The following TEAD1 variants were observed in gnomAD, a reference collection of about 807,000 sequenced individuals.
TEAD1 encodes the protein TEA domain transcription factor 1.
A neutral mutation model predicts 54.9 loss-of-function variants in TEAD1; 9 were observed. That is an observed-to-expected ratio of 0.16 (90% confidence interval 0.10 to 0.29). The LOEUF is 0.29. TEAD1 is among the 10% of genes least tolerant of loss of function. The pLI, the probability that TEAD1 is intolerant of heterozygous loss-of-function variation, is 1.00. For synonymous variants in TEAD1, 200 were observed against 187.8 expected, an observed-to-expected ratio of 1.07 and a Z score of -0.53; for missense variants, 387 against 535.9, an observed-to-expected ratio of 0.72 and a Z score of 2.74.
chr11:12,892,416 T>A (rs1948214891), intron 9 of TEAD1, among the ~76,000 whole-genome samples: 1 of 152,034 alleles, frequency 6.6e-6, no homozygotes. Context: ...AAGCAAGGCG[T>A]GTGGGTCACC....
chr11:12,709,349 A>G (rs1943885361), intron 2 of TEAD1, among the ~76,000 whole-genome samples: 1 of 151,250 alleles, frequency 6.6e-6, no homozygotes, highest in Non-Finnish European at 1.5e-5. Flanking sequence ...AAAAAAATAA[A>G]AAAAAAAAAC....
At chr11:12,715,400 G>T (rs1944035810) in intron 2 of TEAD1, among the ~76,000 whole-genome samples, 4 of 152,182 alleles carry the variant, frequency 2.6e-5, no homozygotes, top group African/African-American at 4.8e-5. Context: ...TGGGGAGGAG[G>T]AGAGGGTATG....
intron 2 of TEAD1, among the ~76,000 whole-genome samples, chr11:12,694,683 A>G (rs1441257459): frequency 6.6e-6 from 1 of 152,128 alleles, no homozygotes; most frequent in African/African-American, 2.4e-5. Flanking sequence ...AGCTTTTTCA[A>G]TCTTGAGAAA....
At chr11:12,833,403 G>C (rs1946822175) in intron 3 of TEAD1, among the ~76,000 whole-genome samples, 1 of 152,134 alleles carries the variant, frequency 6.6e-6, no homozygotes, top group Admixed American at 6.5e-5. Context: ...TTTTAATGCA[G>C]GGTACAACAT....
chr11:12,690,551 T>C (rs1175480211), intron 2 of TEAD1, among the ~76,000 whole-genome samples: 1 of 152,110 alleles, frequency 6.6e-6, no homozygotes, highest in African/African-American at 2.4e-5. Context: ...GTATTTCCTA[T>C]AAATGGGAAA....
intron 2 of TEAD1, among the ~76,000 whole-genome samples, chr11:12,733,470 T>C (rs750613217): frequency 3.9e-5 from 6 of 152,184 alleles, no homozygotes; most frequent in African/African-American, 7.2e-5. Flanking sequence ...GGCCCAGGTC[T>C]AGCCATAGGG....
At chr11:12,723,450 C>A (rs940287574) in intron 2 of TEAD1, among the ~76,000 whole-genome samples, 1 of 152,146 alleles carries the variant, frequency 6.6e-6, no homozygotes, top group African/African-American at 2.4e-5. Context: ...AAAAACCAAA[C>A]CCAGAATTCA....
At chr11:12,814,524 G>A (rs1946374141) in intron 3 of TEAD1, among the ~76,000 whole-genome samples, 1 of 152,180 alleles carries the variant, frequency 6.6e-6, no homozygotes, top group African/African-American at 2.4e-5. Flanking sequence ...AAGCCTGAGG[G>A]TCTTGTCCCT....
chr11:12,769,748 TA>T, intron 3 of TEAD1, among the ~76,000 whole-genome samples: 1 of 152,222 alleles, frequency 6.6e-6, no homozygotes, highest in East Asian at 1.9e-4. Context: ...TATTTCAAGT[TA>T]ATTGGTTAGA....
At chr11:12,824,898 C>G (rs2080982706) in intron 3 of TEAD1, among the ~76,000 whole-genome samples, 2 of 152,190 alleles carry the variant, frequency 1.3e-5, no homozygotes, top group African/African-American at 4.8e-5. Flanking sequence ...GTTTCCTTCT[C>G]TCTACTTCGA....
chr11:12,834,929 C>T (rs1946856555), intron 3 of TEAD1, among the ~76,000 whole-genome samples: 1 of 152,032 alleles, frequency 6.6e-6, no homozygotes, highest in South Asian at 2.1e-4. Context: ...CTGTTTCTTC[C>T]TGAGAGTTCT....
At chr11:12,737,150 C>T (rs962692725) in intron 2 of TEAD1, among the ~76,000 whole-genome samples, 10 of 151,928 alleles carry the variant, frequency 6.6e-5, no homozygotes, top group African/African-American at 1.9e-4. Flanking sequence ...GATGAGGAGA[C>T]GGAGGCCTAG....
chr11:12,897,030 G>T (rs550281124), intron 9 of TEAD1, among the ~76,000 whole-genome samples: 1 of 152,168 alleles, frequency 6.6e-6, no homozygotes, highest in African/African-American at 2.4e-5. Context: ...ATTAGCCTCC[G>T]TTTTGGATAT....
chr11:12,853,836 G>A (rs949692553), intron 3 of TEAD1, among the ~76,000 whole-genome samples: 11 of 152,126 alleles, frequency 7.2e-5, no homozygotes, highest in Non-Finnish European at 1.2e-4. Flanking sequence ...TGAGAAGGTG[G>A]GACTTGAGTT....
At position 12,829,503 on chromosome 11, in the gene TEAD1, A is replaced by G. The variant is rs189789287; in HGVS notation, c.203-32747A>G. 5.3e-5 allele frequency among the ~76,000 whole-genome samples: 8 copies of G among 152,342 alleles called. No individual in the cohort carries two copies. In the East Asian group the frequency reaches 1.3e-3, roughly 26 times the overall value. On this transcript the variant is annotated intron_variant, in intron 3 of 12. Transcript: ENST00000527636. ...TGCTTACCCTAATGTTTGCCTTTAG[A>G]AGTAAAATCCAAACTGAAGGAAAGG...
chr11:12,755,653 G>T (rs1379417860), intron 2 of TEAD1, among the ~76,000 whole-genome samples: 1 of 152,174 alleles, frequency 6.6e-6, no homozygotes, highest in Non-Finnish European at 1.5e-5. Flanking sequence ...TTCTGTTTCT[G>T]GGGTTGAAAT....
intron 3 of TEAD1, among the ~76,000 whole-genome samples, chr11:12,842,061 AG>A (rs1269165837): frequency 3.3e-5 from 5 of 151,844 alleles, no homozygotes; most frequent in Admixed American, 6.6e-5. Context: ...CACAGAGCAG[AG>A]GAAAAAAACA....
At chr11:12,818,660 G>A (rs1057487971) in intron 3 of TEAD1, among the ~76,000 whole-genome samples, 15 of 152,202 alleles carry the variant, frequency 9.9e-5, no homozygotes, top group African/African-American at 3.6e-4. Context: ...TTTGCTGTCA[G>A]AGGAGGTTCA....
At chr11:12,681,749 G>C (rs1943227037) in intron 2 of TEAD1, among the ~76,000 whole-genome samples, 1 of 152,264 alleles carries the variant, frequency 6.6e-6, no homozygotes, top group African/African-American at 2.4e-5. Flanking sequence ...GGGCGAGGCT[G>C]TCTGCCCCGC....
Sources: allele counts gnomAD v4.1 joint callset (sites outside exome capture counted in the v4.1 genomes callset), GRCh38; gene constraint gnomAD v4.1.1; transcripts MANE v1.5; gene names NCBI Gene and HGNC (gene_info 2026-07-23, HGNC 2026-07-21).